The following NAV3 variants were observed in gnomAD, a reference collection of about 807,000 sequenced individuals.
NAV3 encodes pore membrane and/or filament interacting like protein 1.
Under a neutral mutation model 244.7 loss-of-function variants are expected in NAV3, and 87 were observed. The ratio of observed to expected loss-of-function variants is 0.36; its 90% CI spans 0.30 to 0.42. The LOEUF (loss-of-function observed/expected upper bound fraction) is 0.42, where lower values mean the gene tolerates loss of function less well. Ranked by LOEUF, NAV3 falls within the 20% of genes least tolerant of loss-of-function variation. NAV3 has a pLI of 1.00. For missense variants in NAV3, 2,663 were observed against 2,893.3 expected, an observed-to-expected ratio of 0.92 and a Z score of 1.83; for synonymous variants, 1,126 against 1,042.2, an observed-to-expected ratio of 1.08 and a Z score of -1.55.
intron 33 of NAV3, among the ~76,000 whole-genome samples, chr12:78,189,180 A>G (rs1028998181): frequency 6.6e-6 from 1 of 151,870 alleles, no homozygotes; most frequent in Non-Finnish European, 1.5e-5. Flanking sequence ...CCCCCCAGGA[A>G]GAGGGAATAG....
chr12:77,864,178 T>A (rs1434653762), intron 1 of NAV3, among the ~76,000 whole-genome samples: 1 of 151,874 alleles, frequency 6.6e-6, no homozygotes, highest in Non-Finnish European at 1.5e-5. Context: ...TCACCCCTTA[T>A]TTATATTTTC....
chr12:78,085,957 T>C (rs1953612148), intron 12 of NAV3, among the ~76,000 whole-genome samples: 2 of 152,092 alleles, frequency 1.3e-5, no homozygotes, highest in African/African-American at 4.8e-5. Context: ...TCAGAGACAA[T>C]GTGTCATAGA....
intron 5 of NAV3, among the ~76,000 whole-genome samples, chr12:77,969,123 T>C (rs922562839): frequency 2.7e-5 from 4 of 150,642 alleles, no homozygotes; most frequent in African/African-American, 9.7e-5. Flanking sequence ...GTTTGAAGTT[T>C]GGGAACATAG....
At chr12:77,768,726 A>T (rs77186676) in intron 2 of NAV3, among the ~76,000 whole-genome samples, 34 of 152,292 alleles carry the variant, frequency 2.2e-4, no homozygotes, top group African/African-American at 7.9e-4. Context: ...GGAGAGCTGA[A>T]GCTATGCCTG....
chr12:78,121,617 G>T (rs1955672490), intron 15 of NAV3, among the ~76,000 whole-genome samples: 2 of 150,300 alleles, frequency 1.3e-5, no homozygotes, highest in Admixed American at 1.3e-4. Context: ...GCAAGTATAT[G>T]GTCAAACTAC....
intron 24 of NAV3, among the ~76,000 whole-genome samples, chr12:78,169,172 G>C (rs149295019): frequency 1.9e-3 from 286 of 151,774 alleles, no homozygotes; most frequent in African/African-American, 6.7e-3. Context: ...TGGAGATGGA[G>C]TGGTTGGTTA....
intron 2 of NAV3, among the ~76,000 whole-genome samples, chr12:77,739,211 A>G (rs1868284381): frequency 6.6e-6 from 1 of 152,084 alleles, no homozygotes; most frequent in Non-Finnish European, 1.5e-5. Flanking sequence ...TATGATTTAA[A>G]ATACTGCCTA....
intron 2 of NAV3, among the ~76,000 whole-genome samples, chr12:77,780,906 G>A (rs143713508): frequency 6.6e-6 from 1 of 152,290 alleles, no homozygotes; most frequent in Non-Finnish European, 1.5e-5. Context: ...TTCTTTTCCT[G>A]GGAGGCAGCA....
intron 2 of NAV3, among the ~76,000 whole-genome samples, chr12:77,660,352 C>A (rs1378292030): frequency 1.3e-5 from 2 of 152,164 alleles, no homozygotes; most frequent in South Asian, 2.1e-4. Context: ...GAATTTAAGT[C>A]AAATATTGTA....
intron 1 of NAV3, among the ~76,000 whole-genome samples, chr12:77,840,051 G>A (rs1341008833): frequency 6.6e-6 from 1 of 151,914 alleles, no homozygotes; most frequent in African/African-American, 2.4e-5. Flanking sequence ...CCAGCCTGGG[G>A]GATAGAGTAA....
At chr12:77,802,876 C>A (rs763344528) in intron 2 of NAV3, among the ~76,000 whole-genome samples, 1 of 152,072 alleles carries the variant, frequency 6.6e-6, no homozygotes, top group Non-Finnish European at 1.5e-5. Context: ...ACCATGTTAG[C>A]CAGGATGGTC....
intron 9 of NAV3, chr12:78,037,363 A>G: frequency 2.8e-6 from 2 of 702,668 alleles, no homozygotes; most frequent in Non-Finnish European, 5.2e-6. Context: ...GATCTAGAAC[A>G]GGCACTTTAC....
intron 1 of NAV3, among the ~76,000 whole-genome samples, chr12:77,912,980 C>G (rs1232589856): frequency 2.0e-5 from 3 of 151,890 alleles, no homozygotes; most frequent in Admixed American, 6.6e-5. Flanking sequence ...TTTTTATTGT[C>G]TTTTATCTTC....
At chr12:77,760,951 A>G (rs961814147) in intron 2 of NAV3, among the ~76,000 whole-genome samples, 1 of 152,096 alleles carries the variant, frequency 6.6e-6, no homozygotes, top group Non-Finnish European at 1.5e-5. Context: ...AAGAAACCCC[A>G]CCCTATTTCT....
intron 2 of NAV3, among the ~76,000 whole-genome samples, chr12:77,822,362 T>C (rs1412465064): frequency 6.6e-6 from 1 of 152,224 alleles, no homozygotes. Flanking sequence ...CCAGCTAGTT[T>C]ACCTTTCTTT....
chr12:78,002,773 G>A (rs1220389571), intron 7 of NAV3, among the ~76,000 whole-genome samples: 2 of 151,850 alleles, frequency 1.3e-5, no homozygotes, highest in East Asian at 3.9e-4. Context: ...TAATTTCAGG[G>A]ATTTTAGTAT....
intron 2 of NAV3, among the ~76,000 whole-genome samples, chr12:77,751,271 C>G (rs532444326): frequency 6.6e-6 from 1 of 152,164 alleles, no homozygotes. Context: ...AGCCTCTTTT[C>G]GTAGAGCTAT....
At chr12:77,660,256 T>C (rs917531087) in intron 2 of NAV3, among the ~76,000 whole-genome samples, 1 of 152,178 alleles carries the variant, frequency 6.6e-6, no homozygotes, top group Non-Finnish European at 1.5e-5. Flanking sequence ...AGTTTAAATA[T>C]ATGGTTTGTT....
At position 77,959,250 on chromosome 12, in the gene NAV3, A is replaced by G. The variant is rs531819510; in HGVS notation, c.415-6979A>G. 3.2e-4 allele frequency among the ~76,000 whole-genome samples: 49 copies of G among 152,210 alleles called. 1 individual carries two copies. The South Asian group carries it at 9.9e-3, about 31-fold the overall frequency. On this transcript the variant is annotated intron_variant, in intron 3 of 39. Coordinates refer to ENST00000397909, the MANE Select transcript of NAV3 (RefSeq NM_001024383.2). ...TGCTGACATTCTGATTAAACTTTTG[A>G]GTTCGTAAATGTAAATTGGGCTCTA...
Sources: allele counts gnomAD v4.1 joint callset (sites outside exome capture counted in the v4.1 genomes callset), GRCh38; gene constraint gnomAD v4.1.1; transcripts MANE v1.5; gene names NCBI Gene and HGNC (gene_info 2026-07-23, HGNC 2026-07-21).